The following RAB2A variants were observed in gnomAD, a reference collection of about 807,000 sequenced individuals.
The protein encoded by RAB2A is ras-related protein Rab-2A.
A neutral mutation model predicts 32.5 loss-of-function variants in RAB2A; 7 were observed. The ratio of observed to expected loss-of-function variants is 0.22; its 90% CI spans 0.12 to 0.40. RAB2A has a LOEUF of 0.40. Among genes scored for constraint, RAB2A ranks in the 10% least tolerant of loss-of-function variants. RAB2A has a pLI of 1.00. For missense variants in RAB2A, 108 were observed against 260.7 expected (o/e 0.41, Z 4.03); for synonymous variants, 79 against 85.2 (o/e 0.93, Z 0.40).
Position 60,605,852 on chromosome 8 carries a change from T to TATATATATATATATATATATATAA in RAB2A, c.475-12727_475-12726insTATATATATATATATATATATAAA, listed in dbSNP as rs777621349. Among the ~76,000 whole-genome samples, 37 of 144,766 alleles carry TATATATATATATATATATATATAA rather than the reference T, an allele frequency of 2.6e-4. 1 individual carries two copies. The East Asian group carries it at 3.9e-3, about 15-fold the overall frequency. The allele number at this position is 144,766 out of a possible 152,430, so 95.0% of individuals were successfully genotyped here. ...TAATACATATATACATATATATATA[T>TATATATATATATATATATATATAA]AATGCTTCATTTCAAGCTGGGGGTG... On this transcript the variant is annotated intron_variant, in intron 6 of 7. Transcript: ENST00000262646.
At chr8:60,584,395 T>C in intron 4 of RAB2A, 105 bp downstream of exon 4, 1 of 916,450 alleles carries the variant, frequency 1.1e-6, no homozygotes, top group Non-Finnish European at 1.7e-6. Flanking sequence ...CTGCCCCGGC[T>C]ACTCACCTTT....
chr8:60,591,015 A>G (rs1036620595), intron 5 of RAB2A, among the ~76,000 whole-genome samples: 2 of 152,066 alleles, frequency 1.3e-5, no homozygotes, highest in African/African-American at 4.8e-5. Flanking sequence ...GAAACCTGAA[A>G]TCTGGCAAAT....
chr8:60,553,976 T>C (rs997469520), intron 1 of RAB2A, among the ~76,000 whole-genome samples: 1 of 152,224 alleles, frequency 6.6e-6, no homozygotes, highest in Non-Finnish European at 1.5e-5. Context: ...AGATATGATA[T>C]CATTTCAGGG....
At chr8:60,599,723 A>G (rs1175992717) in intron 6 of RAB2A, among the ~76,000 whole-genome samples, 2 of 152,184 alleles carry the variant, frequency 1.3e-5, no homozygotes, top group African/African-American at 4.8e-5. Flanking sequence ...TAGAAATCCA[A>G]AATAAATGAA....
intron 1 of RAB2A, among the ~76,000 whole-genome samples, chr8:60,543,382 A>G (rs10091703): frequency 0.32 from 35,487 of 112,634 alleles, 4,324 homozygotes; most frequent in Middle Eastern, 0.49. Flanking sequence ...GTCTTCATTC[A>G]CTTAACTGTA....
At chr8:60,609,211 A>G (rs1002018750) in intron 6 of RAB2A, among the ~76,000 whole-genome samples, 2 of 152,048 alleles carry the variant, frequency 1.3e-5, no homozygotes, top group Admixed American at 1.3e-4. Context: ...CTCCACAAAA[A>G]AGTATTCTCT....
intron 1 of RAB2A, among the ~76,000 whole-genome samples, chr8:60,557,729 C>CTT (rs71252884): frequency 2.6e-4 from 37 of 144,838 alleles, no homozygotes; most frequent in Middle Eastern, 3.5e-3. Flanking sequence ...CCACACCCAT[C>CTT]TTTTTTTTTT....
intron 1 of RAB2A, 134 bp downstream of exon 1, chr8:60,517,387 G>A (rs1586055004): frequency 2.3e-6 from 2 of 861,122 alleles, no homozygotes; most frequent in East Asian, 3.4e-5. Context: ...CTCCATTTCC[G>A]CAGTGCTGGA....
intron 6 of RAB2A, among the ~76,000 whole-genome samples, chr8:60,609,453 G>A (rs905079784): frequency 1.3e-5 from 2 of 152,116 alleles, no homozygotes; most frequent in Admixed American, 6.5e-5. Flanking sequence ...CCCACCAAAA[G>A]GATTGAGTTC....
chr8:60,534,225 C>A (rs1017686591), intron 1 of RAB2A, among the ~76,000 whole-genome samples: 2 of 152,190 alleles, frequency 1.3e-5, no homozygotes, highest in Admixed American at 1.3e-4. Context: ...TTACTGTATG[C>A]CAGTACTATG....
At chr8:60,569,981 G>A (rs1361676223) in intron 2 of RAB2A, 2 of 456,140 alleles carry the variant, frequency 4.4e-6, no homozygotes, top group African/African-American at 2.0e-5. Flanking sequence ...AGCCCAGGAA[G>A]CAGAAACTGT....
At chr8:60,589,542 T>C (rs1333518455) in intron 5 of RAB2A, among the ~76,000 whole-genome samples, 1 of 152,098 alleles carries the variant, frequency 6.6e-6, no homozygotes, top group African/African-American at 2.4e-5. Flanking sequence ...AAATTGGTTA[T>C]ATAAGAAATA....
chr8:60,566,859 A>G (rs1218161811), intron 2 of RAB2A, among the ~76,000 whole-genome samples: 1 of 152,122 alleles, frequency 6.6e-6, no homozygotes, highest in Non-Finnish European at 1.5e-5. Context: ...AAGAACACGC[A>G]GTATTTGATT....
At chr8:60,610,557 C>G (rs1264368514) in intron 6 of RAB2A, among the ~76,000 whole-genome samples, 1 of 152,176 alleles carries the variant, frequency 6.6e-6, no homozygotes, top group African/African-American at 2.4e-5. Context: ...GAAATCTGAC[C>G]TGGCCTTCCT....
At chr8:60,520,427 A>G (rs1295525319) in intron 1 of RAB2A, among the ~76,000 whole-genome samples, 7 of 152,236 alleles carry the variant, frequency 4.6e-5, no homozygotes, top group Non-Finnish European at 1.0e-4. Context: ...ATACGAATCT[A>G]TAGTAATTTT....
intron 2 of RAB2A, 89 bp downstream of exon 2, chr8:60,559,012 G>A: frequency 2.2e-6 from 2 of 890,510 alleles, no homozygotes; most frequent in Non-Finnish European, 3.6e-6. Flanking sequence ...TAGTGATGAT[G>A]CTAAAATCAG....
At chr8:60,538,589 T>C (rs1305715948) in intron 1 of RAB2A, among the ~76,000 whole-genome samples, 1 of 152,212 alleles carries the variant, frequency 6.6e-6, no homozygotes, top group Non-Finnish European at 1.5e-5. Flanking sequence ...TGGAGGGGCA[T>C]GGCTGAGGCC....
At chr8:60,586,858 G>A (rs1483858720) in intron 5 of RAB2A, among the ~76,000 whole-genome samples, 1 of 151,130 alleles carries the variant, frequency 6.6e-6, no homozygotes, top group Non-Finnish European at 1.5e-5. Flanking sequence ...GAATCCAGGA[G>A]CTCAAGGTTG....
chr8:60,548,895 C>T (rs1377725985), intron 1 of RAB2A, among the ~76,000 whole-genome samples: 4 of 150,382 alleles, frequency 2.7e-5, no homozygotes, highest in Non-Finnish European at 4.4e-5. Context: ...GGGTGGCTGC[C>T]GGGCAGAGGG....
Sources: allele counts gnomAD v4.1 joint callset (sites outside exome capture counted in the v4.1 genomes callset), GRCh38; gene constraint gnomAD v4.1.1; transcripts MANE v1.5; gene names NCBI Gene and HGNC (gene_info 2026-07-23, HGNC 2026-07-21).